The following COG3 variants were observed in gnomAD, a reference collection of about 807,000 sequenced individuals.
The protein encoded by COG3 is component of oligomeric golgi complex 3.
Under a neutral mutation model 114.1 loss-of-function variants are expected in COG3, and 32 were observed. The observed-to-expected ratio is 0.28, with a 90% CI of 0.21 to 0.38. COG3 has a LOEUF of 0.38. Among genes scored for constraint, COG3 ranks in the 10% least tolerant of loss-of-function variants. The probability of loss-of-function intolerance (pLI) is 1.00; values close to 1 mark genes in which losing one functional copy is unlikely to be tolerated. For synonymous variants in COG3, 352 were observed against 365.7 expected, an observed-to-expected ratio of 0.96 and a Z score of 0.43; for missense variants, 813 against 973.2, an observed-to-expected ratio of 0.84 and a Z score of 2.19.
intron 19 of COG3, 100 bp from the exon 20 acceptor site, chr13:45,524,876 G>A: frequency 2.8e-6 from 2 of 724,208 alleles, no homozygotes; most frequent in South Asian, 1.9e-5. Context: ...TTTAAATGGT[G>A]TTGTGTATCC....
intron 1 of COG3, among the ~76,000 whole-genome samples, chr13:45,468,824 G>A (rs1167234110): frequency 6.6e-6 from 1 of 152,232 alleles, no homozygotes; most frequent in African/African-American, 2.4e-5. Context: ...TGGAAGCCAG[G>A]ACAGTGCTGG....
At chr13:45,531,116 T>TA in intron 22 of COG3, 1 of 971,486 alleles carries the variant, frequency 1.0e-6, no homozygotes, top group Non-Finnish European at 1.2e-6. Flanking sequence ...ATAAGAGAAA[T>TA]ACATTTTTTA....
chr13:45,533,792 G>A (rs551382950), intron 22 of COG3, among the ~76,000 whole-genome samples: 7 of 152,234 alleles, frequency 4.6e-5, no homozygotes, highest in Admixed American at 3.3e-4. Flanking sequence ...CAGTTATTCC[G>A]CAGACTGTCT....
chr13:45,468,495 C>T (rs1278402988), intron 1 of COG3, among the ~76,000 whole-genome samples: 1 of 152,092 alleles, frequency 6.6e-6, no homozygotes, highest in African/African-American at 2.4e-5. Context: ...TGAGACTCCA[C>T]CTATACCTCT....
At chr13:45,507,600 A>T (rs2137872803) in intron 14 of COG3, among the ~76,000 whole-genome samples, 1 of 152,028 alleles carries the variant, frequency 6.6e-6, no homozygotes, top group Admixed American at 6.6e-5. Flanking sequence ...CCCCATCTCT[A>T]CTAAAAATAC....
In COG3 at chr13:45,491,443, T is replaced by C. The variant is rs769720361; in HGVS notation, c.1000T>C (p.Cys334Arg). ...ACAACTGCTAAATGATATCCACCAG[T>C]GTTACCTTGATCAGCGGGAGCTCCT... ...YQQLLNDIHQ[C>R]YLDQRELLLG... is the part of the protein sequence containing the mutation. Residue 334 changes from cysteine to arginine, a missense_variant, in exon 10 of 23, where the codon TGT becomes CGT. By Grantham distance (180) the Cys-to-Arg change is radical. Around this residue, in one of 2 missense-constraint regions of COG3, gnomAD observed 424 missense variants for 430.6 expected, o/e 0.98. Coordinates refer to ENST00000349995, the MANE Select transcript of COG3 (RefSeq NM_031431.4). The C allele has an allele frequency of 3.5e-5, 56 of 1,613,332 alleles. No individual in the cohort carries two copies. The East Asian group carries it at 1.1e-3, about 31-fold the overall frequency.
chr13:45,506,217 A>G (rs2137868783), intron 14 of COG3, among the ~76,000 whole-genome samples: 1 of 152,284 alleles, frequency 6.6e-6, no homozygotes, highest in South Asian at 2.1e-4. Flanking sequence ...CTTGTGTAAG[A>G]TCATCCTAGG....
At chr13:45,528,745 A>G (rs1480403798) in intron 20 of COG3, among the ~76,000 whole-genome samples, 2 of 152,140 alleles carry the variant, frequency 1.3e-5, no homozygotes, top group Admixed American at 6.5e-5. Context: ...GATCCATTCT[A>G]TTTATTGGAT....
chr13:45,477,827 C>A (rs1278985744), intron 2 of COG3, among the ~76,000 whole-genome samples: 3 of 152,010 alleles, frequency 2.0e-5, no homozygotes, highest in Non-Finnish European at 4.4e-5. Context: ...GGAGTTTCAC[C>A]TTGTTAGCCA....
chr13:45,534,808 C>G lies in COG3; in HGVS notation c.*77C>G. On this transcript the variant is annotated 3_prime_UTR_variant, in exon 23 of 23. Transcript: ENST00000349995. ...AGAAGTCTTGCAGTCTGCAGGACACCGAGGAATCGTATGTGGGAACGTCCC... is the reference window on the plus strand; with the variant it reads ...AGAAGTCTTGCAGTCTGCAGGACACGGAGGAATCGTATGTGGGAACGTCCC... The G allele has an allele frequency of 1.3e-6, 2 of 1,484,250 alleles. No homozygotes were observed. Among genetic ancestry groups the G allele is most frequent in the Non-Finnish European group, 1.8e-6 (2 of 1,119,004 alleles). The allele number at this position is 1,484,250 out of a possible 1,614,324, so 91.9% of individuals were successfully genotyped here. A position where few individuals can be genotyped will look rare whatever the true frequency, so the allele number is the denominator to read the frequency against.
intron 19 of COG3, 52 bp from the exon 20 acceptor site, chr13:45,524,924 T>C: frequency 3.5e-6 from 5 of 1,427,102 alleles, no homozygotes; most frequent in Non-Finnish European, 2.9e-6. Context: ...AGTACCAGTT[T>C]AATTTGTCAT....
chr13:45,476,476 C>G, intron 2 of COG3, 129 bp downstream of exon 2: 2 of 932,562 alleles, frequency 2.1e-6, no homozygotes, highest in Non-Finnish European at 3.2e-6. Flanking sequence ...CTAGAACATT[C>G]TTGATTTTGC....
intron 14 of COG3, among the ~76,000 whole-genome samples, chr13:45,509,042 CTTT>C (rs35234559): frequency 0.028 from 4,044 of 143,060 alleles, 77 homozygotes; most frequent in Non-Finnish European, 0.042. Context: ...GATCTGCTTC[CTTT>C]TTTTTTTTTT....
At chr13:45,504,617 G>A (rs1197341377) in intron 14 of COG3, among the ~76,000 whole-genome samples, 4 of 152,184 alleles carry the variant, frequency 2.6e-5, no homozygotes, top group Non-Finnish European at 4.4e-5. Flanking sequence ...GTGTTGGGGG[G>A]ATGGAGAGAA....
At chr13:45,481,329 T>A in intron 5 of COG3, 25 bp downstream of exon 5, 1 of 1,256,254 alleles carries the variant, frequency 8.0e-7, no homozygotes, top group Non-Finnish European at 1.1e-6. Context: ...TTACTTCTTA[T>A]AAAGTTAGTG....
At chr13:45,498,765 C>T (rs1211693171) in intron 13 of COG3, among the ~76,000 whole-genome samples, 3 of 146,238 alleles carry the variant, frequency 2.1e-5, no homozygotes, top group Non-Finnish European at 4.5e-5. Context: ...ACTTGGGAAG[C>T]AGTTTTGCTA....
intron 13 of COG3, 90 bp from the exon 14 acceptor site, chr13:45,503,154 A>G: frequency 2.0e-6 from 1 of 509,226 alleles, no homozygotes. Flanking sequence ...CAAGTTGAAA[A>G]TATATATATA....
In COG3 at chr13:45,480,589, T is replaced by TTTTTA. The variant is rs548094868; in HGVS notation, c.549+303_549+304insATTTT. ...CTGACACTTTTATTTTTTATTTTTA[T>TTTTTA]TTTTTTTGCTCTGTTGCCCAGGCTG... On this transcript the variant is annotated intron_variant, in intron 4 of 22. Transcript: ENST00000349995. Among the ~76,000 whole-genome samples, 52 of 152,028 alleles carry TTTTTA rather than the reference T, an allele frequency of 3.4e-4. 2 individuals carry two copies. The highest frequency in any genetic ancestry group is 6.8e-3 in the Middle Eastern group (2 of 294).
At chr13:45,494,953 C>G (rs1249970984) in intron 12 of COG3, among the ~76,000 whole-genome samples, 1 of 142,404 alleles carries the variant, frequency 7.0e-6, no homozygotes, top group Non-Finnish European at 1.5e-5. Context: ...TCAAGTGATT[C>G]TCCTGCCTCA....
Sources: allele counts gnomAD v4.1 joint callset (sites outside exome capture counted in the v4.1 genomes callset), GRCh38; gene constraint gnomAD v4.1.1; regional missense constraint gnomAD v4.1.1; transcripts MANE v1.5; gene names NCBI Gene and HGNC (gene_info 2026-07-23, HGNC 2026-07-21).